PHETA1: variants seen among roughly 807,000 people sequenced by gnomAD.
PHETA1 encodes sesquipedalian-1.
For synonymous variants in PHETA1, 155 were observed against 168.9 expected (o/e 0.92, Z 0.64); for missense variants, 348 against 373.5 (o/e 0.93, Z 0.56).
rs1406882010 is a variant in PHETA1 at position 111,363,640 on chromosome 12, G to C, written c.-36-177C>G. 1 of 1,534,602 alleles carries C rather than the reference G, an allele frequency of 6.5e-7. No homozygotes were observed. Among genetic ancestry groups the C allele is most frequent in the African/African-American group, 1.4e-5 (1 of 73,034 alleles). ...ACTCCTAAGAAGCAGAGACAGGACT[G>C]GAACCTGGGTCTCACGGGCCTCCCC... On this transcript the variant is annotated intron_variant, in intron 2 of 2. Coordinates refer to ENST00000683047, the MANE Select transcript of PHETA1 (RefSeq NM_144671.6). The surrounding 1 kb of genome is among the most constrained non-coding windows in gnomAD (Gnocchi z 7.4).
rs558329392 is a variant in PHETA1, at chr12:111,363,299, C to A, written c.129G>T (p.Gly43=). 1 of 1,613,142 alleles carries A rather than the reference C, an allele frequency of 6.2e-7. No homozygotes were observed. The highest frequency in any genetic ancestry group is 8.5e-7 in the Non-Finnish European group (1 of 1,179,932). The change falls in exon 3 of 3, where the codon GGG becomes GGT. Residue 43 remains glycine (G), a synonymous_variant. Coordinates refer to ENST00000683047, the MANE Select transcript of PHETA1 (RefSeq NM_144671.6). This position sits in a 1 kb window ranked among gnomAD's most constrained non-coding sequence, Gnocchi z 7.4. ...CGTCCTCGAAGTAGAAGAGCATGTT[C>A]CCGCGCAGCACGAACCAGCGCCGGT... is the stretch of plus-strand genomic sequence containing the variant. ...AYHRRWFVLR[G]NMLFYFEDAA... is the part of the protein sequence containing the mutation.
rs565247106 is a variant in PHETA1 at position 111,367,332 on chromosome 12, C to T, written c.-181-1075G>A. Among the ~76,000 whole-genome samples the T allele has an allele frequency of 6.6e-6, 1 of 152,352 alleles. No homozygotes were observed. The highest frequency in any genetic ancestry group is 2.4e-5 in the African/African-American group (1 of 41,580). ...CCTGAAATTAATACCTGGGTCATTT[C>T]TGCCTGCAGGGGCGTTTGTGGTCTG... On this transcript the variant is annotated intron_variant, in intron 1 of 2. Coordinates refer to ENST00000683047, the MANE Select transcript of PHETA1 (RefSeq NM_144671.6). The surrounding 1 kb of genome is among the most constrained non-coding windows in gnomAD (Gnocchi z 4.0).
Position 111,363,371 on chromosome 12 carries a change from G to A in PHETA1, c.57C>T (p.Asp19=). The A allele has an allele frequency of 1.2e-6, 2 of 1,613,050 alleles. No homozygotes were observed. Among genetic ancestry groups the A allele is most frequent in the South Asian group, 1.1e-5 (1 of 91,062 alleles). Residue 19 remains aspartate (D), a synonymous_variant, in exon 3 of 3, where the codon GAC becomes GAT. Coordinates refer to ENST00000683047, the MANE Select transcript of PHETA1 (RefSeq NM_144671.6). This position sits in a 1 kb window ranked among gnomAD's most constrained non-coding sequence, Gnocchi z 7.4. ...AFYATCDAPV[D]NAGFLYKKGG... is the part of the protein sequence containing the mutation. Reference sequence around the variant, plus strand: ...CCTTCTTGTACAGGAAGCCTGCATTGTCCACCGGGGCGTCACAGGTGGCGT... The same window carrying A: ...CCTTCTTGTACAGGAAGCCTGCATTATCCACCGGGGCGTCACAGGTGGCGT...
rs1471991812 is a variant in PHETA1, at chr12:111,369,066, T to C, written c.-336A>G. ...CGGCGCAGCCGCGGGAGAGCGCGGA[T>C]CCGACGGAAGGAGGCGGGAGCAACC... On this transcript the variant is annotated 5_prime_UTR_variant, in exon 1 of 3. Coordinates refer to ENST00000683047, the MANE Select transcript of PHETA1 (RefSeq NM_144671.6). 2 of 152,866 alleles carry C rather than the reference T, an allele frequency of 1.3e-5. No homozygotes were observed. Among genetic ancestry groups the C allele is most frequent in the Non-Finnish European group, 2.9e-5 (2 of 68,624 alleles). 9.5% of individuals were successfully genotyped at this position (152,866 alleles called of 1,614,324 possible).
In PHETA1 at chr12:111,368,117, C is replaced by T. The variant is rs938078583; in HGVS notation, c.-182+795G>A. ...GTGAGTCGGAGTTTTTTCTCAGCCT[C>T]ATCTGCAAAATGGTGACGTTAACTT... On this transcript the variant is annotated intron_variant, in intron 1 of 2. Transcript: ENST00000683047. This position sits in a 1 kb window ranked among gnomAD's most constrained non-coding sequence, Gnocchi z 5.0. Among the ~76,000 whole-genome samples, 23 of 152,234 alleles carry T rather than the reference C, an allele frequency of 1.5e-4. No individual in the cohort carries two copies. Among genetic ancestry groups the T allele is most frequent in the Admixed American group, 9.2e-4 (14 of 15,286 alleles).
rs114531065 is a variant in PHETA1, at chr12:111,362,054, C to T, written c.*624G>A. 1,130 of 454,760 alleles carry T rather than the reference C, an allele frequency of 2.5e-3. 14 individuals carry two copies. Among genetic ancestry groups the T allele is most frequent in the African/African-American group, 0.021 (1,044 of 50,154 alleles). The allele number at this position is 454,760 out of a possible 1,614,324, so 28.2% of individuals were successfully genotyped here. Reference sequence around the variant, plus strand: ...CTCAGCCAGCCCAGGCCAGGAGCCCCGAGGACCAGGCCACCTCACCCTTCC... The same window carrying T: ...CTCAGCCAGCCCAGGCCAGGAGCCCTGAGGACCAGGCCACCTCACCCTTCC... On this transcript the variant is annotated 3_prime_UTR_variant, in exon 3 of 3. Coordinates refer to ENST00000683047, the MANE Select transcript of PHETA1 (RefSeq NM_144671.6).
Position 111,368,201 on chromosome 12 carries a change from G to A in PHETA1, c.-182+711C>T, listed in dbSNP as rs1869144561. Among the ~76,000 whole-genome samples the A allele has an allele frequency of 6.6e-6, 1 of 152,158 alleles. No homozygotes were observed. The highest frequency in any genetic ancestry group is 1.5e-5 in the Non-Finnish European group (1 of 68,042). ...GAAGAGTCATTTTGCAAAATACTTG[G>A]TGGGTAGTGAGCTTTCAGGGAAAGA... On this transcript the variant is annotated intron_variant, in intron 1 of 2. Coordinates refer to ENST00000683047, the MANE Select transcript of PHETA1 (RefSeq NM_144671.6). The surrounding 1 kb of genome is among the most constrained non-coding windows in gnomAD (Gnocchi z 5.0).
chr12:111,362,574 G>T lies in PHETA1; in HGVS notation c.*104C>A. 2 of 1,538,986 alleles carry T rather than the reference G, an allele frequency of 1.3e-6. No individual in the cohort carries two copies. The highest frequency in any genetic ancestry group is 4.9e-5 in the East Asian group (2 of 40,894). ...CACTCAGGGCCTGGGGGCCAGCCTT[G>T]CCCATGATTTCCCTCAGGATCTGCT... is the stretch of plus-strand genomic sequence containing the variant. On this transcript the variant is annotated 3_prime_UTR_variant, in exon 3 of 3. Coordinates refer to ENST00000683047, the MANE Select transcript of PHETA1 (RefSeq NM_144671.6).
rs925270790 is a variant in PHETA1 at position 111,367,020 on chromosome 12, C to CAA, written c.-181-765_-181-764dup. Among the ~76,000 whole-genome samples the CAA allele has an allele frequency of 7.4e-5, 8 of 108,724 alleles. No homozygotes were observed. Among genetic ancestry groups the CAA allele is most frequent in the African/African-American group, 1.0e-4 (3 of 29,880 alleles). The allele number at this position is 108,724 out of a possible 152,430, so 71.3% of individuals were successfully genotyped here. ...GGGGTGACATAGTGAGATTCTGTCT[C>CAA]AAAAAAAAAAAAAAAAAAATCCAAG... On this transcript the variant is annotated intron_variant, in intron 1 of 2. Coordinates refer to ENST00000683047, the MANE Select transcript of PHETA1 (RefSeq NM_144671.6). The surrounding 1 kb of genome is among the most constrained non-coding windows in gnomAD (Gnocchi z 4.0).
chr12:111,362,454 G>T lies in PHETA1; in HGVS notation c.*224C>A. ...GATTCTCCTTAGTGTTGCACGTGACGTTCCCCTCAAGGGTAGGCCTTCTGG... is the reference window on the plus strand; with the variant it reads ...GATTCTCCTTAGTGTTGCACGTGACTTTCCCCTCAAGGGTAGGCCTTCTGG... On this transcript the variant is annotated 3_prime_UTR_variant, in exon 3 of 3. Coordinates refer to ENST00000683047, the MANE Select transcript of PHETA1 (RefSeq NM_144671.6). 8.5e-7 allele frequency: 1 copy of T among 1,177,426 alleles called. No homozygotes were observed. The highest frequency in any genetic ancestry group is 1.2e-6 in the Non-Finnish European group (1 of 862,830). The allele number at this position is 1,177,426 out of a possible 1,614,324, so 72.9% of individuals were successfully genotyped here.
chr12:111,362,378 T>C lies in PHETA1; in HGVS notation c.*300A>G. 1.5e-6 allele frequency: 1 copy of C among 673,562 alleles called. No individual in the cohort carries two copies. The allele number at this position is 673,562 out of a possible 1,614,324, so 41.7% of individuals were successfully genotyped here. A position where few individuals can be genotyped will look rare whatever the true frequency, so the allele number is the denominator to read the frequency against. ...CCAGCACAGGCCTCTGCCCGGCAGC[T>C]CAGGCCAGCCTGGGGCCGGAGTTCT... On this transcript the variant is annotated 3_prime_UTR_variant, in exon 3 of 3. Coordinates refer to ENST00000683047, the MANE Select transcript of PHETA1 (RefSeq NM_144671.6).
At position 111,363,640 on chromosome 12, in the gene PHETA1, G is replaced by A. The variant is rs1406882010; in HGVS notation, c.-36-177C>T. On this transcript the variant is annotated intron_variant, in intron 2 of 2. Coordinates refer to ENST00000683047, the MANE Select transcript of PHETA1 (RefSeq NM_144671.6). The surrounding 1 kb of genome is among the most constrained non-coding windows in gnomAD (Gnocchi z 7.4). Reference sequence around the variant, plus strand: ...ACTCCTAAGAAGCAGAGACAGGACTGGAACCTGGGTCTCACGGGCCTCCCC... The same window carrying A: ...ACTCCTAAGAAGCAGAGACAGGACTAGAACCTGGGTCTCACGGGCCTCCCC... 6.5e-7 allele frequency: 1 copy of A among 1,534,602 alleles called. No homozygotes were observed.
rs1184401874 is a variant in PHETA1, at chr12:111,363,145, C to T, written c.283G>A (p.Ala95Thr). 32 of 1,610,172 alleles carry T rather than the reference C, an allele frequency of 2.0e-5. No homozygotes were observed. Among genetic ancestry groups the T allele is most frequent in the Non-Finnish European group, 2.5e-5 (29 of 1,179,644 alleles). ...GTRARTYVLA[A>T]ESQDAMEGWV... The stretch of plus-strand genomic sequence containing the variant: ...CCCTCCATGGCATCCTGACTCTCAG[C>T]GGCCAGCACGTAGGTGCGCGCCCGG... The change falls in exon 3 of 3, where the codon GCT becomes ACT. Residue 95 changes from alanine to threonine, a missense_variant. Ala to Thr is a moderately conservative substitution (Grantham distance 58, BLOSUM62 0). Coordinates refer to ENST00000683047, the MANE Select transcript of PHETA1 (RefSeq NM_144671.6). This position sits in a 1 kb window ranked among gnomAD's most constrained non-coding sequence, Gnocchi z 7.4.
chr12:111,365,014 T>C (rs556665424), intron 2 of PHETA1, among the ~76,000 whole-genome samples: 163 of 152,250 alleles, frequency 1.1e-3, no homozygotes, highest in Middle Eastern at 3.4e-3. Flanking sequence ...ACCCGTGCCA[T>C]TTAGCATAGA....
In PHETA1 at chr12:111,362,634, G is replaced by T. The variant is rs745440345; in HGVS notation, c.*44C>A. ...TCTCCAGGACCCGGCCTGTCCCAGA[G>T]GGCATAGAGCTTGTGTCCCCCTAAA... On this transcript the variant is annotated 3_prime_UTR_variant, in exon 3 of 3. Transcript: ENST00000683047. 6 of 1,548,390 alleles carry T rather than the reference G, an allele frequency of 3.9e-6. No homozygotes were observed. The highest frequency in any genetic ancestry group is 8.7e-7 in the Non-Finnish European group (1 of 1,146,846).
At position 111,362,788 on chromosome 12, in the gene PHETA1, C is replaced by T; in HGVS notation, c.640G>A (p.Ala214Thr). The T allele has an allele frequency of 6.5e-7, 1 of 1,539,472 alleles. No homozygotes were observed. The highest frequency in any genetic ancestry group is 8.7e-7 in the Non-Finnish European group (1 of 1,145,092). ...GCCATGTCCAGGGGCCCGTGGGGTG[C>T]CGAGGCCCGGCGGCGAGGCGGTGGT... ...PPPPPRRRAS[A>T]PHGPLDMAPF... The change falls in exon 3 of 3, where the codon GCA (alanine) becomes ACA (threonine). Residue 214 changes from alanine (A) to threonine (T), a missense_variant. Coordinates refer to ENST00000683047, the MANE Select transcript of PHETA1 (RefSeq NM_144671.6).
rs1001388940 is a variant in PHETA1 at position 111,367,172 on chromosome 12, C to T, written c.-181-915G>A. Among the ~76,000 whole-genome samples, 2 of 152,178 alleles carry T rather than the reference C, an allele frequency of 1.3e-5. No individual in the cohort carries two copies. Among genetic ancestry groups the T allele is most frequent in the African/African-American group, 2.4e-5 (1 of 41,442 alleles). On this transcript the variant is annotated intron_variant, in intron 1 of 2. Transcript: ENST00000683047. The surrounding 1 kb of genome is among the most constrained non-coding windows in gnomAD (Gnocchi z 4.0). ...CATCCCCACCTCCAAGACTTGGTCC[C>T]GGCTGTCTGCCTGCAGGTCTTCACA...
At chr12:111,365,422 T>C in intron 2 of PHETA1, 1 of 451,124 alleles carries the variant, frequency 2.2e-6, no homozygotes, top group Non-Finnish European at 4.4e-6. Context: ...GGGTTGTCCT[T>C]GCCACCTCCT....
In PHETA1 at chr12:111,362,657, A is replaced by G; in HGVS notation, c.*21T>C. The G allele has an allele frequency of 6.5e-7, 1 of 1,549,242 alleles. No homozygotes were observed. ...GAGGGCATAGAGCTTGTGTCCCCCT[A>G]AAACAGGCGCCCTGGTGGCCTCAGG... On this transcript the variant is annotated 3_prime_UTR_variant, in exon 3 of 3. Transcript: ENST00000683047.
Sources: allele counts gnomAD v4.1 joint callset (sites outside exome capture counted in the v4.1 genomes callset), GRCh38; gene constraint gnomAD v4.1.1; non-coding constraint Gnocchi (gnomAD v3.1); transcripts MANE v1.5; gene names NCBI Gene and HGNC (gene_info 2026-07-23, HGNC 2026-07-21).